Variants in TENM4 observed in about 807,000 individuals in gnomAD.
The protein encoded by TENM4 is teneurin transmembrane protein 4, also known as teneurin-4.
Under a neutral mutation model 243.3 loss-of-function variants are expected in TENM4, and 82 were observed. The observed-to-expected ratio is 0.34, with a 90% confidence interval of 0.28 to 0.40. The LOEUF is 0.40. Ranked by LOEUF, TENM4 falls within the 10% of genes least tolerant of loss-of-function variation. TENM4 has a pLI of 1.00. For missense variants in TENM4, 3,138 were observed against 3,673.3 expected (o/e 0.85, Z 3.77); for synonymous variants, 1,412 against 1,456.3 (o/e 0.97, Z 0.69).
intron 19 of TENM4, among the ~76,000 whole-genome samples, chr11:78,742,417 G>A (rs949335991): frequency 2.0e-5 from 3 of 152,072 alleles, no homozygotes; most frequent in Non-Finnish European, 4.4e-5. Flanking sequence ...AAAATCAGGC[G>A]CCTACTATGA....
intron 30 of TENM4, among the ~76,000 whole-genome samples, chr11:78,675,501 C>A (rs1259262991): frequency 6.6e-6 from 1 of 152,158 alleles, no homozygotes; most frequent in Admixed American, 6.5e-5. Flanking sequence ...AGAAGCTGGG[C>A]ACTCAGGCCC....
intron 1 of TENM4, among the ~76,000 whole-genome samples, chr11:79,381,757 G>T (rs1431745212): frequency 6.6e-6 from 1 of 151,970 alleles, no homozygotes; most frequent in Non-Finnish European, 1.5e-5. Context: ...GCCATATGAA[G>T]TCAGTACTCA....
chr11:79,051,677 T>C (rs905942503), intron 6 of TENM4, among the ~76,000 whole-genome samples: 2 of 152,074 alleles, frequency 1.3e-5, no homozygotes, highest in Non-Finnish European at 2.9e-5. Flanking sequence ...TTCTTCAACT[T>C]TTAAGTTCAG....
intron 29 of TENM4, among the ~76,000 whole-genome samples, chr11:78,677,315 T>C (rs1280557778): frequency 2.0e-5 from 3 of 148,690 alleles, no homozygotes; most frequent in Non-Finnish European, 3.0e-5. Flanking sequence ...AGTAGTACAA[T>C]GTGATCATAG....
intron 26 of TENM4, among the ~76,000 whole-genome samples, chr11:78,709,956 C>G (rs1401377918): frequency 6.6e-6 from 1 of 152,196 alleles, no homozygotes; most frequent in Non-Finnish European, 1.5e-5. Context: ...AGACATGGCC[C>G]TGGGCAGCAC....
At chr11:79,015,413 A>G (rs1858747072) in intron 6 of TENM4, among the ~76,000 whole-genome samples, 3 of 152,054 alleles carry the variant, frequency 2.0e-5, no homozygotes, top group Non-Finnish European at 1.5e-5. Context: ...TCCATTTCAT[A>G]CTGTGGATCA....
At chr11:79,222,709 A>G (rs1385601572) in intron 2 of TENM4, among the ~76,000 whole-genome samples, 1 of 152,212 alleles carries the variant, frequency 6.6e-6, no homozygotes, top group Non-Finnish European at 1.5e-5. Context: ...GACTGGTGTG[A>G]GATGGTATCT....
chr11:78,657,905 C>T lies in TENM4; in HGVS notation c.*153G>A. The T allele has an allele frequency of 1.6e-6, 2 of 1,261,460 alleles. No individual in the cohort carries two copies. Among genetic ancestry groups the T allele is most frequent in the South Asian group, 2.5e-5 (2 of 80,028 alleles). The allele number at this position is 1,261,460 out of a possible 1,614,324, so 78.1% of individuals were successfully genotyped here. ...AAGGCCAAATCTGTGTTTTTCTTTT[C>T]TAAAAAAAAGGATGTTGCATGAGTT... is the stretch of plus-strand genomic sequence containing the variant. On this transcript the variant is annotated 3_prime_UTR_variant, in exon 34 of 34. Transcript: ENST00000278550.
rs1349174136 is a variant in TENM4 at position 79,192,443 on chromosome 11, G to A, written c.-163+23365C>T. ...ACTAAGAAAAATTCTTCTGCCTTGG[G>A]ATCCTGTTGATCTGTGACCTTACCC... On this transcript the variant is annotated intron_variant, in intron 3 of 33. Coordinates refer to ENST00000278550, the MANE Select transcript of TENM4 (RefSeq NM_001098816.3). Among the ~76,000 whole-genome samples the A allele has an allele frequency of 4.6e-5, 7 of 152,304 alleles. 1 individual carries two copies. Among genetic ancestry groups the A allele is most frequent in the African/African-American group, 1.4e-4 (6 of 41,558 alleles).
chr11:79,114,329 G>T (rs180760562), intron 4 of TENM4, among the ~76,000 whole-genome samples: 38 of 152,312 alleles, frequency 2.5e-4, no homozygotes, highest in Non-Finnish European at 4.4e-4. Flanking sequence ...TTTGCATTTG[G>T]TGTCTGCAAG....
intron 4 of TENM4, among the ~76,000 whole-genome samples, chr11:79,125,279 C>T (rs1170465090): frequency 1.3e-5 from 2 of 152,142 alleles, no homozygotes; most frequent in Admixed American, 6.5e-5. Context: ...TGGTTGGTTG[C>T]TCTTAAGTTC....
At chr11:79,289,933 A>C (rs560135335) in intron 2 of TENM4, among the ~76,000 whole-genome samples, 9 of 152,086 alleles carry the variant, frequency 5.9e-5, no homozygotes, top group Admixed American at 3.3e-4. Flanking sequence ...GTTAGAGGTA[A>C]GTTTCTACCT....
chr11:79,230,603 C>T (rs2135259910), intron 2 of TENM4, among the ~76,000 whole-genome samples: 1 of 152,204 alleles, frequency 6.6e-6, no homozygotes, highest in East Asian at 1.9e-4. Context: ...ACTTACAATG[C>T]TATTAGAGGC....
chr11:78,915,181 T>C (rs1856286753), intron 6 of TENM4, among the ~76,000 whole-genome samples: 1 of 152,190 alleles, frequency 6.6e-6, no homozygotes, highest in African/African-American at 2.4e-5. Flanking sequence ...GCTATGCACA[T>C]ATTGTTTTCT....
intron 4 of TENM4, among the ~76,000 whole-genome samples, chr11:79,141,916 G>A (rs554500572): frequency 6.6e-6 from 1 of 152,190 alleles, no homozygotes; most frequent in South Asian, 2.1e-4. Flanking sequence ...TTCAATTGAT[G>A]CTGAAAAGGC....
intron 6 of TENM4, among the ~76,000 whole-genome samples, chr11:78,904,884 C>T (rs1001784752): frequency 1.3e-5 from 2 of 152,206 alleles, no homozygotes; most frequent in Non-Finnish European, 2.9e-5. Flanking sequence ...TAAATCTTCA[C>T]CATCCATCTA....
At chr11:78,996,414 T>A (rs1419946066) in intron 6 of TENM4, among the ~76,000 whole-genome samples, 1 of 152,178 alleles carries the variant, frequency 6.6e-6, no homozygotes, top group Non-Finnish European at 1.5e-5. Context: ...ATCTTCGATG[T>A]TTTAGCCCCA....
chr11:79,343,530 A>T (rs911496040), intron 1 of TENM4, among the ~76,000 whole-genome samples: 2 of 152,198 alleles, frequency 1.3e-5, no homozygotes, highest in Non-Finnish European at 2.9e-5. Context: ...ATGTTAACCT[A>T]TATAAAGCAG....
chr11:78,956,194 C>G (rs1166428198), intron 6 of TENM4, among the ~76,000 whole-genome samples: 1 of 152,056 alleles, frequency 6.6e-6, no homozygotes, highest in Non-Finnish European at 1.5e-5. Flanking sequence ...GGGCACTGTG[C>G]TCAGCCCTGG....
Sources: allele counts gnomAD v4.1 joint callset (sites outside exome capture counted in the v4.1 genomes callset), GRCh38; gene constraint gnomAD v4.1.1; transcripts MANE v1.5; gene names NCBI Gene and HGNC (gene_info 2026-07-23, HGNC 2026-07-21).